NAALAD2: variants seen among roughly 807,000 people sequenced by gnomAD.
NAALAD2 encodes the protein N-acetylated-alpha-linked acidic dipeptidase 2.
A neutral mutation model predicts 95.6 loss-of-function variants in NAALAD2; 89 were observed. The ratio of observed to expected loss-of-function variants is 0.93; its 90% CI spans 0.78 to 1.11. The LOEUF is 1.11. Ranked by LOEUF, NAALAD2 falls within the 50% of genes least tolerant of loss-of-function variation. NAALAD2 has a pLI of 0.00. For synonymous variants in NAALAD2, 264 were observed against 294.4 expected, an observed-to-expected ratio of 0.90 and a Z score of 1.06; for missense variants, 894 against 872.4, an observed-to-expected ratio of 1.02 and a Z score of -0.31.
intron 11 of NAALAD2, chr11:90,163,905 C>A: frequency 2.1e-6 from 1 of 470,314 alleles, no homozygotes; most frequent in South Asian, 4.8e-5. Context: ...AGAAAATAAT[C>A]AAAATTAATG....
In NAALAD2 at chr11:90,177,907, G is replaced by C. The variant is rs769843479; in HGVS notation, c.1648G>C (p.Glu550Gln). Residue 550 changes from glutamate (E) to glutamine (Q), a missense_variant, in exon 16 of 19, where the codon GAA (glutamate) becomes CAA (glutamine). Glu to Gln is a conservative substitution (Grantham distance 29). Transcript: ENST00000534061. Reference sequence around the variant, plus strand: ...GTACCACACAATTTATGAGACATTTGAATTGGTAGAGAAATTTTATGACCC... The same window carrying C: ...GTACCACACAATTTATGAGACATTTCAATTGGTAGAGAAATTTTATGACCC... ...PVYHTIYETFELVEKFYDPTF... is the reference protein window; with the variant it reads ...PVYHTIYETFQLVEKFYDPTF... 1.2e-6 allele frequency: 2 copies of C among 1,613,332 alleles called. No individual in the cohort carries two copies. Among genetic ancestry groups the C allele is most frequent in the East Asian group, 2.2e-5 (1 of 44,796 alleles).
At chr11:90,161,112 T>C (rs539353366) in intron 8 of NAALAD2, among the ~76,000 whole-genome samples, 1 of 152,296 alleles carries the variant, frequency 6.6e-6, no homozygotes, top group East Asian at 1.9e-4. Context: ...TACTGTTGTT[T>C]AGAATTTACA....
chr11:90,181,716 C>CCT lies in NAALAD2; in HGVS notation c.1940+16_1940+17dup, dbSNP rs771633010. On this transcript the variant is annotated intron_variant, in intron 17 of 18. Transcript: ENST00000534061. ...GATCTTAACAAGTAAGTTTCAAATC[C>CCT]CTTTTTTTTTAAAAAAAAAAAAAAA... 4.5e-4 allele frequency: 647 copies of CCT among 1,441,738 alleles called. 3 individuals are homozygous for CCT. The East Asian group carries it at 0.01, about 22-fold the overall frequency. The allele number at this position is 1,441,738 out of a possible 1,614,324, so 89.3% of individuals were successfully genotyped here.
intron 8 of NAALAD2, among the ~76,000 whole-genome samples, chr11:90,160,620 A>G (rs1457095628): frequency 6.6e-6 from 1 of 152,198 alleles, no homozygotes; most frequent in Admixed American, 6.5e-5. Context: ...GGACTTTATT[A>G]TCTAATTTGT....
At chr11:90,178,155 G>A in intron 16 of NAALAD2, 38 bp downstream of exon 16, 2 of 1,564,508 alleles carry the variant, frequency 1.3e-6, no homozygotes, top group Non-Finnish European at 1.7e-6. Context: ...CAGTCTTTAA[G>A]TTAGAGCTTT....
At position 90,163,718 on chromosome 11, in the gene NAALAD2, G is replaced by T; in HGVS notation, c.1278+101G>T. ...AAAAATATATTCCATTACCTAATAT[G>T]GTTTTGTTTTGGAGAATGACTCAAG... On this transcript the variant is annotated intron_variant, in intron 11 of 18. Coordinates refer to ENST00000534061, the MANE Select transcript of NAALAD2 (RefSeq NM_005467.4). 3 of 1,118,332 alleles carry T rather than the reference G, an allele frequency of 2.7e-6. No homozygotes were observed. In the South Asian group the frequency reaches 3.9e-5, roughly 15 times the overall value. 69.3% of individuals were successfully genotyped at this position (1,118,332 alleles called of 1,614,324 possible).
chr11:90,177,973 G>A lies in NAALAD2; in HGVS notation c.1714G>A (p.Ala572Thr). 1 of 1,613,760 alleles carries A rather than the reference G, an allele frequency of 6.2e-7. No homozygotes were observed. The highest frequency in any genetic ancestry group is 8.5e-7 in the Non-Finnish European group (1 of 1,179,934). The change falls in exon 16 of 19, where the codon GCA becomes ACA. Residue 572 changes from alanine (A) to threonine (T), a missense_variant. By Grantham distance (58) the Ala-to-Thr change is moderately conservative (BLOSUM62 0). Coordinates refer to ENST00000534061, the MANE Select transcript of NAALAD2 (RefSeq NM_005467.4). ...KQLSVAQLRG[A>T]LVYELVDSKI... ...ACTTTCTGTGGCTCAATTACGAGGAGCACTGGTATATGAGCTTGTGGATTC... is the reference window on the plus strand; with the variant it reads ...ACTTTCTGTGGCTCAATTACGAGGAACACTGGTATATGAGCTTGTGGATTC...
chr11:90,168,506 CTAAAATAAAA>C (rs963065577), intron 11 of NAALAD2, among the ~76,000 whole-genome samples: 1 of 151,886 alleles, frequency 6.6e-6, no homozygotes, highest in South Asian at 2.1e-4. Flanking sequence ...GTCTCTGTCT[CTAAAATAAAA>C]TAAAATAATA....
intron 16 of NAALAD2, among the ~76,000 whole-genome samples, chr11:90,178,473 C>G (rs945685830): frequency 6.6e-5 from 10 of 151,986 alleles, no homozygotes; most frequent in Admixed American, 2.0e-4. Context: ...AGATCGAGAC[C>G]ATTCTGGCTA....
chr11:90,179,189 T>A (rs916750290), intron 16 of NAALAD2, among the ~76,000 whole-genome samples: 2 of 152,230 alleles, frequency 1.3e-5, no homozygotes, highest in Non-Finnish European at 2.9e-5. Context: ...ATTACTGTTT[T>A]ATTACAAACA....
Position 90,191,552 on chromosome 11 carries a change from T to G in NAALAD2, c.2034-6T>G. ...AGTTCAATTTGCCTTGTTTTCTTCC[T>G]TTTAGGCACATCATATTTGCTCCAA... On this transcript the variant is annotated splice_polypyrimidine_tract_variant and splice_region_variant and intron_variant, in intron 18 of 18. Transcript: ENST00000534061. 6.4e-7 allele frequency: 1 copy of G among 1,567,888 alleles called. No homozygotes were observed. Among genetic ancestry groups the G allele is most frequent in the Non-Finnish European group, 8.6e-7 (1 of 1,158,700 alleles).
chr11:90,152,894 G>T (rs1163855221), intron 6 of NAALAD2, among the ~76,000 whole-genome samples: 1 of 151,670 alleles, frequency 6.6e-6, no homozygotes, highest in African/African-American at 2.4e-5. Context: ...ATGAGTTTTT[G>T]TGTTATTTAA....
At chr11:90,159,435 T>C (rs1238587634) in intron 8 of NAALAD2, 98 bp downstream of exon 8, 2 of 831,934 alleles carry the variant, frequency 2.4e-6, no homozygotes, top group Non-Finnish European at 3.8e-6. Flanking sequence ...GCTTATCTCT[T>C]TTTCTCTTTC....
intron 11 of NAALAD2, among the ~76,000 whole-genome samples, chr11:90,166,734 C>G (rs1402186135): frequency 2.6e-5 from 4 of 151,246 alleles, no homozygotes; most frequent in Non-Finnish European, 5.9e-5. Context: ...ACTCGGGAGG[C>G]TGAGGCAGGA....
At chr11:90,179,035 T>C (rs1157930490) in intron 16 of NAALAD2, among the ~76,000 whole-genome samples, 1 of 152,196 alleles carries the variant, frequency 6.6e-6, no homozygotes, top group Non-Finnish European at 1.5e-5. Flanking sequence ...TTGGGAAAGT[T>C]ACTTAACTTC....
At chr11:90,156,819 A>G (rs1785210475) in intron 6 of NAALAD2, among the ~76,000 whole-genome samples, 1 of 152,002 alleles carries the variant, frequency 6.6e-6, no homozygotes, top group South Asian at 2.1e-4. Context: ...TTTTATTTTT[A>G]TTTGGTTCCA....
chr11:90,134,495 T>C (rs1951405427), upstream of NAALAD2: 3 of 472,970 alleles, frequency 6.3e-6, no homozygotes, highest in Non-Finnish European at 1.1e-5. Context: ...CGCCACCTAC[T>C]ATGTCCGGGT....
chr11:90,138,257 G>A (rs959933919), intron 2 of NAALAD2, among the ~76,000 whole-genome samples: 3 of 150,900 alleles, frequency 2.0e-5, no homozygotes, highest in Non-Finnish European at 4.4e-5. Flanking sequence ...TCTTCATCCA[G>A]TCTTCACATT....
At chr11:90,188,928 C>T (rs183650591) in intron 18 of NAALAD2, among the ~76,000 whole-genome samples, 27 of 152,228 alleles carry the variant, frequency 1.8e-4, no homozygotes, top group African/African-American at 6.0e-4. Context: ...TTTCTAACCC[C>T]AGAACCTTTG....
Sources: gnomAD v4.1 joint callset for allele counts (sites outside exome capture counted in the v4.1 genomes callset) on GRCh38, gnomAD v4.1.1 for gene constraint, MANE v1.5 for transcripts, NCBI Gene and HGNC (gene_info 2026-07-23, HGNC 2026-07-21) for gene names.